MACROD2: variants seen among roughly 807,000 people sequenced by gnomAD.
MACROD2 encodes ADP-ribose glycohydrolase MACROD2.
Under a neutral mutation model 70.4 loss-of-function variants are expected in MACROD2, and 36 were observed. The ratio of observed to expected loss-of-function variants is 0.51; its 90% CI spans 0.39 to 0.68. The LOEUF (loss-of-function observed/expected upper bound fraction) is 0.68. Among genes scored for constraint, MACROD2 ranks in the 30% least tolerant of loss-of-function variants. The pLI is 0.00. For missense variants in MACROD2, 496 were observed against 538.4 expected (o/e 0.92, Z 0.78); for synonymous variants, 172 against 178.8 (o/e 0.96, Z 0.30).
chr20:15,350,834 T>G (rs1280961182), intron 6 of MACROD2, among the ~76,000 whole-genome samples: 1 of 152,210 alleles, frequency 6.6e-6, no homozygotes, highest in Non-Finnish European at 1.5e-5. Flanking sequence ...GTTGAGATTA[T>G]TATTCTTTAC....
intron 6 of MACROD2, among the ~76,000 whole-genome samples, chr20:15,321,825 C>T (rs1273094594): frequency 1.4e-5 from 2 of 144,198 alleles, no homozygotes; most frequent in Non-Finnish European, 3.1e-5. Context: ...CAGAGTCTCA[C>T]TCTGTTGCCC....
chr20:14,693,093 G>T (rs539494278), intron 5 of MACROD2, among the ~76,000 whole-genome samples: 2 of 152,128 alleles, frequency 1.3e-5, no homozygotes, highest in Non-Finnish European at 2.9e-5. Context: ...AAATAACAGT[G>T]TAAATCAATT....
At chr20:14,455,861 A>G (rs1368849900) in intron 3 of MACROD2, among the ~76,000 whole-genome samples, 1 of 151,626 alleles carries the variant, frequency 6.6e-6, no homozygotes, top group Non-Finnish European at 1.5e-5. Flanking sequence ...TTTTGTTTTT[A>G]ACTGTACATA....
At chr20:14,044,392 C>G (rs1287944546) in intron 2 of MACROD2, among the ~76,000 whole-genome samples, 2 of 152,112 alleles carry the variant, frequency 1.3e-5, no homozygotes, top group African/African-American at 4.8e-5. Flanking sequence ...AGCGAAAGAA[C>G]AAAGCTTCCA....
intron 3 of MACROD2, among the ~76,000 whole-genome samples, chr20:14,259,980 C>A (rs1300566995): frequency 2.6e-5 from 4 of 152,158 alleles, no homozygotes; most frequent in Admixed American, 2.0e-4. Context: ...TGGTTGGGGA[C>A]AAGTGTGCTT....
chr20:14,852,346 G>A (rs6110452), intron 5 of MACROD2, among the ~76,000 whole-genome samples: 1,867 of 152,210 alleles, frequency 0.012, 41 homozygotes, highest in African/African-American at 0.042. Context: ...GGGGGTCACT[G>A]GTGACTATAG....
chr20:15,685,840 G>A (rs1348022125), intron 8 of MACROD2, among the ~76,000 whole-genome samples: 3 of 152,064 alleles, frequency 2.0e-5, no homozygotes, highest in Non-Finnish European at 4.4e-5. Context: ...TGCATGCACC[G>A]ACCTCATCAC....
At chr20:14,504,049 T>C (rs2084943856) in intron 4 of MACROD2, among the ~76,000 whole-genome samples, 1 of 152,212 alleles carries the variant, frequency 6.6e-6, no homozygotes, top group Non-Finnish European at 1.5e-5. Context: ...TCAAAGTCAG[T>C]GCATTTTCTT....
At chr20:14,466,673 CT>C (rs2084454611) in intron 3 of MACROD2, among the ~76,000 whole-genome samples, 1 of 151,948 alleles carries the variant, frequency 6.6e-6, no homozygotes, top group Non-Finnish European at 1.5e-5. Flanking sequence ...TTTTATCTAC[CT>C]TTCGTCTTTG....
At chr20:15,656,892 G>GA (rs990925291) in intron 8 of MACROD2, among the ~76,000 whole-genome samples, 7 of 149,856 alleles carry the variant, frequency 4.7e-5, no homozygotes, top group African/African-American at 1.2e-4. Context: ...AAAAGTATTA[G>GA]AAAAAAAAAG....
chr20:14,136,383 A>T (rs923905171), intron 3 of MACROD2, among the ~76,000 whole-genome samples: 2 of 152,148 alleles, frequency 1.3e-5, no homozygotes, highest in Non-Finnish European at 2.9e-5. Flanking sequence ...ACAGACCTAG[A>T]TGTAAATTCC....
intron 6 of MACROD2, among the ~76,000 whole-genome samples, chr20:15,278,295 G>A (rs2077411410): frequency 6.6e-6 from 1 of 152,184 alleles, no homozygotes; most frequent in South Asian, 2.1e-4. Flanking sequence ...TATGAAATAA[G>A]ACCAAATGAC....
At chr20:14,155,026 G>A (rs938364658) in intron 3 of MACROD2, among the ~76,000 whole-genome samples, 1 of 152,152 alleles carries the variant, frequency 6.6e-6, no homozygotes, top group Non-Finnish European at 1.5e-5. Flanking sequence ...CCTTGGGGAG[G>A]CCTCTTGGAT....
intron 2 of MACROD2, among the ~76,000 whole-genome samples, chr20:14,072,254 G>T (rs2053854898): frequency 6.6e-6 from 1 of 152,142 alleles, no homozygotes; most frequent in Admixed American, 6.5e-5. Flanking sequence ...CTTGGTGTGT[G>T]TGTGTGTATG....
At chr20:14,040,098 C>T (rs1486922601) in intron 2 of MACROD2, among the ~76,000 whole-genome samples, 6 of 151,970 alleles carry the variant, frequency 3.9e-5, no homozygotes, top group Non-Finnish European at 7.4e-5. Context: ...TAAGTACAGT[C>T]GTGTGTTGCC....
At chr20:16,011,046 T>C (rs1227481480) in intron 15 of MACROD2, among the ~76,000 whole-genome samples, 2 of 152,218 alleles carry the variant, frequency 1.3e-5, no homozygotes, top group East Asian at 3.9e-4. Flanking sequence ...TTTTCCCAAA[T>C]GGGAAACAAG....
chr20:15,604,776 C>T (rs148914192), intron 8 of MACROD2, among the ~76,000 whole-genome samples: 10 of 152,298 alleles, frequency 6.6e-5, no homozygotes, highest in South Asian at 2.1e-4. Context: ...GTCTGTGCTA[C>T]GGGGACACTA....
chr20:15,673,720 G>T (rs2050014486), intron 8 of MACROD2, among the ~76,000 whole-genome samples: 1 of 150,916 alleles, frequency 6.6e-6, no homozygotes. Flanking sequence ...AAAAACTTTT[G>T]CATGCATTTC....
chr20:14,746,554 G>A (rs1277402195), intron 5 of MACROD2, among the ~76,000 whole-genome samples: 1 of 152,004 alleles, frequency 6.6e-6, no homozygotes, highest in Non-Finnish European at 1.5e-5. Context: ...AATGTGTAAG[G>A]ATATGATAGA....
Sources: gnomAD v4.1 joint callset for allele counts (sites outside exome capture counted in the v4.1 genomes callset) on GRCh38, gnomAD v4.1.1 for gene constraint, MANE v1.5 for transcripts, NCBI Gene and HGNC (gene_info 2026-07-23, HGNC 2026-07-21) for gene names.